ADAMTSL3: variants seen among roughly 807,000 people sequenced by gnomAD.
ADAMTSL3 encodes the protein ADAMTS-like protein 3.
A neutral mutation model predicts 201.7 loss-of-function variants in ADAMTSL3; 128 were observed. That is an observed-to-expected ratio of 0.63 (90% CI 0.55 to 0.73). The LOEUF (loss-of-function observed/expected upper bound fraction) is 0.73, where lower values mean the gene tolerates loss of function less well. Ranked by LOEUF, ADAMTSL3 falls within the 30% of genes least tolerant of loss-of-function variation. ADAMTSL3 has a pLI of 0.00. For missense variants in ADAMTSL3, 1,990 were observed against 2,119.6 expected (o/e 0.94, Z 1.20); for synonymous variants, 738 against 748.4 (o/e 0.99, Z 0.23).
At chr15:83,924,141 T>G in intron 17 of ADAMTSL3, 108 bp downstream of exon 17, 1 of 1,376,294 alleles carries the variant, frequency 7.3e-7, no homozygotes, top group Non-Finnish European at 9.8e-7. Context: ...AAGGTAGATG[T>G]GCTAAGCCTG....
In ADAMTSL3 at chr15:83,858,940, A is replaced by G. The variant is rs184576391; in HGVS notation, c.802+100A>G. On this transcript the variant is annotated intron_variant, in intron 8 of 29. Coordinates refer to ENST00000286744, the MANE Select transcript of ADAMTSL3 (RefSeq NM_207517.3). The stretch of plus-strand genomic sequence containing the variant: ...ACCCACAAACCAAACCAACAAGCAA[A>G]AAAACTTTCTCTAAGTTAATGGGTA... The G allele has an allele frequency of 2.4e-5, 24 of 1,016,186 alleles. No homozygotes were observed. In the African/African-American group the frequency reaches 3.3e-4, roughly 14 times the overall value. 62.9% of individuals were successfully genotyped at this position (1,016,186 alleles called of 1,614,324 possible).
intron 19 of ADAMTSL3, among the ~76,000 whole-genome samples, chr15:83,955,686 C>T (rs1311383705): frequency 6.6e-6 from 1 of 152,046 alleles, no homozygotes; most frequent in Non-Finnish European, 1.5e-5. Context: ...CCTTCTGGCC[C>T]AGGGTGTGTC....
chr15:83,828,328 G>A (rs2064072888), intron 6 of ADAMTSL3, among the ~76,000 whole-genome samples: 1 of 152,154 alleles, frequency 6.6e-6, no homozygotes, highest in South Asian at 2.1e-4. Flanking sequence ...CTCTCTGTTA[G>A]TCTGTTATTG....
At chr15:83,823,134 G>C (rs975193485) in intron 6 of ADAMTSL3, among the ~76,000 whole-genome samples, 25 of 143,512 alleles carry the variant, frequency 1.7e-4, no homozygotes, top group African/African-American at 6.4e-4. Flanking sequence ...GCAGTGAGCC[G>C]AGATGGCAGC....
At chr15:83,837,485 T>C (rs1435435971) in intron 6 of ADAMTSL3, among the ~76,000 whole-genome samples, 1 of 152,038 alleles carries the variant, frequency 6.6e-6, no homozygotes, top group Non-Finnish European at 1.5e-5. Flanking sequence ...ATTTTATATA[T>C]ATAAAAATGC....
At chr15:83,785,024 G>T (rs2063238169) in intron 4 of ADAMTSL3, among the ~76,000 whole-genome samples, 1 of 152,124 alleles carries the variant, frequency 6.6e-6, no homozygotes, top group Non-Finnish European at 1.5e-5. Context: ...TTGCTGCTTT[G>T]AGTCCCCATT....
chr15:83,838,248 A>C, intron 7 of ADAMTSL3, 33 bp downstream of exon 7: 1 of 1,604,384 alleles, frequency 6.2e-7, no homozygotes, highest in Non-Finnish European at 8.5e-7. Context: ...TATTACCATC[A>C]TACAAGATAT....
chr15:83,784,896 T>G (rs1287350953), intron 4 of ADAMTSL3, among the ~76,000 whole-genome samples: 1 of 152,130 alleles, frequency 6.6e-6, no homozygotes, highest in Non-Finnish European at 1.5e-5. Flanking sequence ...TCTTTCATGG[T>G]AGTCAAAGCA....
chr15:83,743,773 AG>A lies in ADAMTSL3; in HGVS notation c.190-29747del, dbSNP rs554216019. 1.1e-3 allele frequency among the ~76,000 whole-genome samples: 172 copies of A among 152,316 alleles called. 1 individual carries two copies. Among genetic ancestry groups the A allele is most frequent in the African/African-American group, 4.0e-3 (167 of 41,576 alleles). ...GAGGAGATTGGATGAAGATATTTAA[AG>A]GGCTGTATTTCAATCTAGTGTAATA... On this transcript the variant is annotated intron_variant, in intron 3 of 29. Transcript: ENST00000286744.
chr15:83,737,465 CAA>C (rs1463878442), intron 3 of ADAMTSL3, among the ~76,000 whole-genome samples: 3 of 152,122 alleles, frequency 2.0e-5, no homozygotes, highest in Non-Finnish European at 4.4e-5. Context: ...AAGTGTTTGG[CAA>C]GTTCCTCCTT....
chr15:83,955,506 A>G (rs1005463537), intron 19 of ADAMTSL3, among the ~76,000 whole-genome samples: 1 of 151,994 alleles, frequency 6.6e-6, no homozygotes, highest in Admixed American at 6.6e-5. Context: ...TAGATACTCT[A>G]TCCACTGTGC....
intron 28 of ADAMTSL3, among the ~76,000 whole-genome samples, chr15:84,036,400 T>C (rs1202660436): frequency 6.6e-6 from 1 of 152,214 alleles, no homozygotes; most frequent in African/African-American, 2.4e-5. Flanking sequence ...TGTTAATGAA[T>C]TTGAGGTGGC....
chr15:83,930,509 T>C (rs937633517), intron 17 of ADAMTSL3, among the ~76,000 whole-genome samples: 11 of 152,342 alleles, frequency 7.2e-5, no homozygotes, highest in South Asian at 2.1e-4. Context: ...GGTTTATTCA[T>C]GCATCAGCCT....
intron 25 of ADAMTSL3, among the ~76,000 whole-genome samples, chr15:84,019,479 A>G (rs2068155512): frequency 6.6e-6 from 1 of 152,242 alleles, no homozygotes; most frequent in Non-Finnish European, 1.5e-5. Flanking sequence ...ACAGGAGAAT[A>G]GATTAAAAAC....
chr15:83,784,428 C>A (rs1162534601), intron 4 of ADAMTSL3, among the ~76,000 whole-genome samples: 1 of 152,124 alleles, frequency 6.6e-6, no homozygotes, highest in African/African-American at 2.4e-5. Context: ...CTTGCTTACC[C>A]TATGTATAGC....
At chr15:83,829,886 G>A (rs1051100684) in intron 6 of ADAMTSL3, among the ~76,000 whole-genome samples, 1 of 152,204 alleles carries the variant, frequency 6.6e-6, no homozygotes, top group Admixed American at 6.5e-5. Flanking sequence ...ACTGTGGTCT[G>A]AGAGACAGTT....
intron 13 of ADAMTSL3, among the ~76,000 whole-genome samples, chr15:83,894,164 G>C (rs73441334): frequency 0.083 from 12,611 of 152,170 alleles, 1,741 homozygotes; most frequent in African/African-American, 0.29. Flanking sequence ...TGTCAGGAAA[G>C]CTTCAGAAAG....
In ADAMTSL3 at chr15:83,654,885, G is replaced by C. The variant is rs887371519; in HGVS notation, c.-34+609G>C. On this transcript the variant is annotated intron_variant, in intron 1 of 29. Transcript: ENST00000286744. The surrounding 1 kb of genome is among the most constrained non-coding windows in gnomAD (Gnocchi z 5.3). ...GGTCGGAAACAGCAGCACATTTGCG[G>C]ATCACATTAGACCAGGCCCTTAATG... Among the ~76,000 whole-genome samples, 4 of 152,170 alleles carry C rather than the reference G, an allele frequency of 2.6e-5. No individual in the cohort carries two copies. The highest frequency in any genetic ancestry group is 9.6e-5 in the African/African-American group (4 of 41,454).
intron 23 of ADAMTSL3, among the ~76,000 whole-genome samples, chr15:84,002,131 G>A (rs937623927): frequency 3.9e-5 from 6 of 152,110 alleles, no homozygotes; most frequent in Admixed American, 3.9e-4. Context: ...AGTTTCTCAT[G>A]TGGTGAAAAC....
Sources: allele counts gnomAD v4.1 joint callset (sites outside exome capture counted in the v4.1 genomes callset), GRCh38; gene constraint gnomAD v4.1.1; non-coding constraint Gnocchi (gnomAD v3.1); transcripts MANE v1.5; gene names NCBI Gene and HGNC (gene_info 2026-07-23, HGNC 2026-07-21).